Variants in GRIK4 observed in about 807,000 individuals in gnomAD.
GRIK4 encodes the protein glutamate receptor ionotropic, kainate 4.
GRIK4 carries 40 observed loss-of-function variants against 104.9 expected under a neutral mutation model. The ratio of observed to expected loss-of-function variants is 0.38; its 90% confidence interval spans 0.30 to 0.50. The LOEUF (loss-of-function observed/expected upper bound fraction) is 0.50, where lower values mean the gene tolerates loss of function less well. Ranked by LOEUF, GRIK4 falls within the 20% of genes least tolerant of loss-of-function variation. GRIK4 has a pLI of 0.93. For missense variants in GRIK4, 1,047 were observed against 1,308.1 expected (o/e 0.80, Z 3.08); for synonymous variants, 485 against 524.9 (o/e 0.92, Z 1.04).
chr11:120,616,825 G>A (rs1328410164), intron 1 of GRIK4, among the ~76,000 whole-genome samples: 3 of 152,200 alleles, frequency 2.0e-5, no homozygotes, highest in African/African-American at 7.2e-5. Flanking sequence ...CACCAAACAA[G>A]CTTATAATAC....
intron 3 of GRIK4, among the ~76,000 whole-genome samples, chr11:120,740,968 C>T (rs1163867528): frequency 6.6e-6 from 1 of 152,146 alleles, no homozygotes; most frequent in African/African-American, 2.4e-5. Flanking sequence ...CTGGGGTCTT[C>T]CGGCTGGACC....
chr11:120,843,662 G>A (rs189747192), intron 8 of GRIK4, among the ~76,000 whole-genome samples: 10 of 151,552 alleles, frequency 6.6e-5, no homozygotes, highest in African/African-American at 1.5e-4. Context: ...TCACTCTACC[G>A]CCTGTATCTG....
chr11:120,646,289 AT>A (rs1949541599), intron 1 of GRIK4, among the ~76,000 whole-genome samples: 1 of 152,212 alleles, frequency 6.6e-6, no homozygotes, highest in African/African-American at 2.4e-5. Context: ...AATGTCTAGC[AT>A]TTTCTCCACT....
At chr11:120,665,107 A>G (rs4936540) in intron 3 of GRIK4, among the ~76,000 whole-genome samples, 57,966 of 151,828 alleles carry the variant, frequency 0.38, 11,312 homozygotes, top group Admixed American at 0.48. Flanking sequence ...AGATAAAGAT[A>G]ATAGGAGAAT....
rs760888802 is a variant in GRIK4, at chr11:120,953,567, C to T, written c.1700+603C>T. 6.6e-6 allele frequency among the ~76,000 whole-genome samples: 1 copy of T among 151,996 alleles called. No homozygotes were observed. The highest frequency in any genetic ancestry group is 1.5e-5 in the Non-Finnish European group (1 of 68,022). On this transcript the variant is annotated intron_variant, in intron 15 of 20. Transcript: ENST00000527524. The surrounding 1 kb of genome is among the most constrained non-coding windows in gnomAD (Gnocchi z 4.9). ...GGCAAGGAGACGGGATGGAGAGAGG[C>T]GTTTTCAAGAAGTGCTGAGTTGAGA...
chr11:120,519,046 C>T (rs76642128), intron 1 of GRIK4, among the ~76,000 whole-genome samples: 1,674 of 152,222 alleles, frequency 0.011, 47 homozygotes, highest in East Asian at 0.062. Flanking sequence ...ACTAAGCAGG[C>T]GGATGATTTT....
intron 1 of GRIK4, among the ~76,000 whole-genome samples, chr11:120,529,441 G>T (rs1360551403): frequency 6.6e-6 from 1 of 152,206 alleles, no homozygotes; most frequent in Non-Finnish European, 1.5e-5. Context: ...GCCCCTAGCA[G>T]TTACTACAGG....
chr11:120,698,636 T>G (rs1188804222), intron 3 of GRIK4, among the ~76,000 whole-genome samples: 3 of 152,230 alleles, frequency 2.0e-5, no homozygotes. Context: ...TTTGCCTCCA[T>G]CATGCCATCA....
At chr11:120,594,143 C>T (rs1948770488) in intron 1 of GRIK4, among the ~76,000 whole-genome samples, 2 of 152,220 alleles carry the variant, frequency 1.3e-5, no homozygotes, top group African/African-American at 4.8e-5. Flanking sequence ...TTTCATGCTA[C>T]TCTTGTGCTT....
chr11:120,525,279 G>A (rs930925353), intron 1 of GRIK4, among the ~76,000 whole-genome samples: 1 of 152,228 alleles, frequency 6.6e-6, no homozygotes, highest in African/African-American at 2.4e-5. Context: ...GAAGGAACTT[G>A]CCTGAGATCA....
chr11:120,785,364 A>AG (rs150510071), intron 3 of GRIK4, among the ~76,000 whole-genome samples: 1,910 of 152,270 alleles, frequency 0.013, 52 homozygotes, highest in African/African-American at 0.043. Context: ...GAAAACCTAC[A>AG]GGGAGGTGAG....
At chr11:120,686,931 A>G (rs1842553078) in intron 3 of GRIK4, among the ~76,000 whole-genome samples, 1 of 152,076 alleles carries the variant, frequency 6.6e-6, no homozygotes, top group South Asian at 2.1e-4. Context: ...TTGTGCTATT[A>G]TTTCCCTCTT....
At chr11:120,772,931 C>A (rs1951975447) in intron 3 of GRIK4, among the ~76,000 whole-genome samples, 1 of 152,058 alleles carries the variant, frequency 6.6e-6, no homozygotes. Flanking sequence ...GCCAATATTA[C>A]TATGCTAGGC....
chr11:120,609,548 A>T (rs1256995514), intron 1 of GRIK4, among the ~76,000 whole-genome samples: 1 of 43,986 alleles, frequency 2.3e-5, no homozygotes, highest in Non-Finnish European at 4.1e-5. Flanking sequence ...TTTTTTTGAG[A>T]CAGAGTTTTG....
intron 3 of GRIK4, among the ~76,000 whole-genome samples, chr11:120,800,214 A>G (rs993424585): frequency 6.6e-6 from 1 of 151,946 alleles, no homozygotes; most frequent in Non-Finnish European, 1.5e-5. Context: ...TGGAACCCCA[A>G]CCCCTGAAAT....
chr11:120,943,152 C>CACACACA (rs1413495598), intron 14 of GRIK4, among the ~76,000 whole-genome samples: 11,779 of 95,014 alleles, frequency 0.12, 786 homozygotes, highest in Admixed American at 0.16. Flanking sequence ...ACACACACAC[C>CACACACA]CCCCTGACTG....
At chr11:120,521,586 C>G (rs1947797428) in intron 1 of GRIK4, among the ~76,000 whole-genome samples, 1 of 152,166 alleles carries the variant, frequency 6.6e-6, no homozygotes, top group African/African-American at 2.4e-5. Context: ...GGACTCCTGC[C>G]CCTTGCCCAG....
chr11:120,703,776 C>T lies in GRIK4; in HGVS notation c.82+43376C>T, dbSNP rs538189788. ...ATTACCATTACTATTTCGGTTGTGT[C>T]TGTGTGCTGCTTTCTGAATCTCTTT... On this transcript the variant is annotated intron_variant, in intron 3 of 20. Transcript: ENST00000527524. Among the ~76,000 whole-genome samples the T allele has an allele frequency of 2.0e-5, 3 of 152,254 alleles. No homozygotes were observed. In the East Asian group the frequency reaches 5.8e-4, roughly 29 times the overall value.
At position 120,571,407 on chromosome 11, in the gene GRIK4, T is replaced by C. The variant is rs534543736; in HGVS notation, c.-159+59520T>C. 2.0e-5 allele frequency among the ~76,000 whole-genome samples: 3 copies of C among 152,254 alleles called. No individual in the cohort carries two copies. In the South Asian group the frequency reaches 6.2e-4, roughly 32 times the overall value. ...CTTTTCCCCTGGGCTGGATCTCCCG[T>C]TTTCTGTAGCTTACATGTTCCTTTT... is the stretch of plus-strand genomic sequence containing the variant. On this transcript the variant is annotated intron_variant, in intron 1 of 20. Transcript: ENST00000527524.
Sources: gnomAD v4.1 joint callset for allele counts (sites outside exome capture counted in the v4.1 genomes callset) on GRCh38, gnomAD v4.1.1 for gene constraint, Gnocchi (gnomAD v3.1) non-coding constraint, MANE v1.5 for transcripts, NCBI Gene and HGNC (gene_info 2026-07-23, HGNC 2026-07-21) for gene names.